Variants in SKIC8 observed in about 807,000 individuals in gnomAD.
The protein encoded by SKIC8 is superkiller complex protein 8.
At chr15:78,283,498 T>G in the SKIC8 span, 5 of 1,613,680 alleles carry the variant, frequency 3.1e-6, no homozygotes, top group Non-Finnish European at 4.2e-6. Flanking sequence ...TTGAACCATT[T>G]CCATTGTATT....
chr15:78,292,798 G>C, the SKIC8 span: 1 of 1,612,068 alleles, frequency 6.2e-7, no homozygotes, highest in Non-Finnish European at 8.5e-7. Context: ...CCTTCAACAG[G>C]GGACAGAGAA....
the SKIC8 span, chr15:78,288,322 GC>G: frequency 6.2e-7 from 1 of 1,613,966 alleles, no homozygotes; most frequent in Non-Finnish European, 8.5e-7. Context: ...ATCATCTGAA[GC>G]AGTGACAAGG....
At chr15:78,296,879 T>G in the SKIC8 span, among the ~76,000 whole-genome samples, 1 of 152,186 alleles carries the variant, frequency 6.6e-6, no homozygotes, top group African/African-American at 2.4e-5. Context: ...TCACAACAAT[T>G]ATGTTCTATG....
At chr15:78,299,411 G>A in the SKIC8 span, 2 of 152,720 alleles carry the variant, frequency 1.3e-5, no homozygotes, top group African/African-American at 2.4e-5. Context: ...TGGAGCCATG[G>A]AAGCCACCCT....
chr15:78,295,582 T>G, the SKIC8 span: 1 of 1,555,452 alleles, frequency 6.4e-7, no homozygotes, highest in Non-Finnish European at 8.9e-7. Context: ...AAGAATGAGA[T>G]GCTAGTTTCT....
At chr15:78,295,819 T>C in the SKIC8 span, 1 of 1,074,064 alleles carries the variant, frequency 9.3e-7, no homozygotes, top group East Asian at 2.5e-5. Flanking sequence ...AAGGCAACTC[T>C]TTATTATGAA....
At chr15:78,297,623 T>C in the SKIC8 span, among the ~76,000 whole-genome samples, 1 of 152,200 alleles carries the variant, frequency 6.6e-6, no homozygotes, top group Non-Finnish European at 1.5e-5. Context: ...CATAACAAAG[T>C]CACACTGCTA....
chr15:78,292,157 A>C, the SKIC8 span: 1 of 169,970 alleles, frequency 5.9e-6, no homozygotes, highest in Non-Finnish European at 1.3e-5. Context: ...CAGATCTATA[A>C]GGACCCCATG....
At chr15:78,295,284 T>G in the SKIC8 span, 1 of 557,004 alleles carries the variant, frequency 1.8e-6, no homozygotes, top group Non-Finnish European at 3.2e-6. Context: ...AAAGTCCAGT[T>G]TGTAGCTTAA....
At chr15:78,288,434 C>G in the SKIC8 span, 1 of 1,549,576 alleles carries the variant, frequency 6.5e-7, no homozygotes, top group Non-Finnish European at 8.9e-7. Context: ...CCTCCTCACT[C>G]AGCTTCCCAC....
chr15:78,298,280 G>A, the SKIC8 span, among the ~76,000 whole-genome samples: 2 of 152,154 alleles, frequency 1.3e-5, no homozygotes, highest in Admixed American at 6.5e-5. Context: ...CCAAAAACCC[G>A]GGCTCCAAAA....
the SKIC8 span, chr15:78,286,095 G>A: frequency 6.2e-7 from 1 of 1,613,794 alleles, no homozygotes; most frequent in Non-Finnish European, 8.5e-7. Flanking sequence ...CACCCAGGAG[G>A]CATGGCCGCT....
the SKIC8 span, chr15:78,295,098 A>C: frequency 8.9e-7 from 1 of 1,122,770 alleles, no homozygotes; most frequent in South Asian, 1.4e-5. Context: ...CTCTGCTGTC[A>C]ACCTGGCCAT....
the SKIC8 span, chr15:78,283,271 G>A: frequency 8.7e-6 from 5 of 574,784 alleles, no homozygotes; most frequent in African/African-American, 9.4e-5. Flanking sequence ...AGTATGAACA[G>A]CATTTCCAAT....
At chr15:78,291,128 C>T in the SKIC8 span, 5 of 152,116 alleles carry the variant, frequency 3.3e-5, no homozygotes, top group African/African-American at 9.7e-5. Context: ...AAAACTTTGC[C>T]ACACTTGGAG....
chr15:78,284,989 G>T, the SKIC8 span: 1 of 399,974 alleles, frequency 2.5e-6, no homozygotes, highest in Non-Finnish European at 4.5e-6. Flanking sequence ...TTCCAAAGAC[G>T]GCATTTAAAG....
At chr15:78,290,012 T>C in the SKIC8 span, 6 of 1,614,056 alleles carry the variant, frequency 3.7e-6, no homozygotes, top group Non-Finnish European at 8.5e-7. Context: ...TTTCCCACTT[T>C]CCACACCAAA....
At chr15:78,288,494 G>A in the SKIC8 span, 3 of 1,045,984 alleles carry the variant, frequency 2.9e-6, no homozygotes, top group South Asian at 2.9e-5. Flanking sequence ...AAATGCTCAG[G>A]TGCTTCAGGC....
At chr15:78,298,674 G>A in the SKIC8 span, among the ~76,000 whole-genome samples, 1 of 152,094 alleles carries the variant, frequency 6.6e-6, no homozygotes, top group East Asian at 1.9e-4. Context: ...ACTTACAATG[G>A]GGTTACTTCC....
Sources: allele counts gnomAD v4.1 joint callset (sites outside exome capture counted in the v4.1 genomes callset), GRCh38; gene constraint gnomAD v4.1.1; transcripts MANE v1.5; gene names NCBI Gene and HGNC (gene_info 2026-07-23, HGNC 2026-07-21).